Variants in ELSPBP1 observed in about 807,000 individuals in gnomAD.
The protein encoded by ELSPBP1 is epididymal sperm-binding protein 1.
A neutral mutation model predicts 33.3 loss-of-function variants in ELSPBP1; 38 were observed. The observed-to-expected ratio is 1.14, with a 90% CI of 0.88 to 1.50. The LOEUF (loss-of-function observed/expected upper bound fraction) is 1.50, where lower values mean the gene tolerates loss of function less well. ELSPBP1 is among the 40% of genes most tolerant of loss of function. The pLI is 0.00. For missense variants in ELSPBP1, 267 were observed against 263.5 expected (o/e 1.01, Z -0.09); for synonymous variants, 85 against 94.1 (o/e 0.90, Z 0.56).
intron 2 of ELSPBP1, among the ~76,000 whole-genome samples, chr19:48,012,297 T>C (rs1411803450): frequency 6.9e-6 from 1 of 145,956 alleles, no homozygotes; most frequent in African/African-American, 2.6e-5. Flanking sequence ...CTAATCTTGT[T>C]TGTTTGTTTT....
At chr19:48,024,205 C>T (rs562239329) in intron 6 of ELSPBP1, among the ~76,000 whole-genome samples, 1 of 152,044 alleles carries the variant, frequency 6.6e-6, no homozygotes, top group South Asian at 2.1e-4. Context: ...TTCTTCTAGT[C>T]TTTTCCTCTC....
rs570511883 is a variant in ELSPBP1 at position 48,006,246 on chromosome 19, G to A, written c.-17-2405G>A. Among the ~76,000 whole-genome samples, 131 of 152,120 alleles carry A rather than the reference G, an allele frequency of 8.6e-4. 2 individuals are homozygous for A. The South Asian group carries it at 0.022, about 26-fold the overall frequency. On this transcript the variant is annotated intron_variant, in intron 1 of 6. Coordinates refer to ENST00000339841, the MANE Select transcript of ELSPBP1 (RefSeq NM_022142.5). ...AATCTGTCATATTTTTATGATTGTC[G>A]TTAATCATCATAACAAGGCTGAGTG... is the stretch of plus-strand genomic sequence containing the variant.
rs183388881 is a variant in ELSPBP1, at chr19:48,012,583, C to A, written c.71-1588C>A. ...AAGAAACCTGTTTAACTTTATTTCA[C>A]GTGGCATTTTTCCAAACTTATTTTA... On this transcript the variant is annotated intron_variant, in intron 2 of 6. Coordinates refer to ENST00000339841, the MANE Select transcript of ELSPBP1 (RefSeq NM_022142.5). Among the ~76,000 whole-genome samples, 73 of 152,104 alleles carry A rather than the reference C, an allele frequency of 4.8e-4. 1 individual carries two copies. The highest frequency in any genetic ancestry group is 1.4e-3 in the South Asian group (7 of 4,828).
chr19:48,023,067 C>T (rs573815655), intron 6 of ELSPBP1, among the ~76,000 whole-genome samples: 10 of 123,366 alleles, frequency 8.1e-5, no homozygotes, highest in Non-Finnish European at 1.2e-4. Flanking sequence ...GAAAGATGGA[C>T]GAAAGGAAGG....
chr19:48,011,831 C>A lies in ELSPBP1; in HGVS notation c.71-2340C>A, dbSNP rs1013274885. The stretch of plus-strand genomic sequence containing the variant: ...ATAGCTAATATTTATTAAGCAGCAG[C>A]CATGCTCCAGGTACTCTTCTAAGCA... On this transcript the variant is annotated intron_variant, in intron 2 of 6. Transcript: ENST00000339841. This position sits in a 1 kb window ranked among gnomAD's most constrained non-coding sequence, Gnocchi z 4.5. Among the ~76,000 whole-genome samples, 4 of 152,096 alleles carry A rather than the reference C, an allele frequency of 2.6e-5. No homozygotes were observed. Among genetic ancestry groups the A allele is most frequent in the Non-Finnish European group, 5.9e-5 (4 of 68,028 alleles).
At position 48,011,289 on chromosome 19, in the gene ELSPBP1, T is replaced by TGAC. The variant is rs1967075232; in HGVS notation, c.70+2554_70+2555insCGA. 6.6e-6 allele frequency among the ~76,000 whole-genome samples: 1 copy of TGAC among 151,536 alleles called. No homozygotes were observed. The highest frequency in any genetic ancestry group is 1.5e-5 in the Non-Finnish European group (1 of 67,948). On this transcript the variant is annotated intron_variant, in intron 2 of 6. Transcript: ENST00000339841. This position sits in a 1 kb window ranked among gnomAD's most constrained non-coding sequence, Gnocchi z 4.5. ...ATGACAATGACGATGATGATCACCA[T>TGAC]GATAATGACAATAATGAGGTTGATA... is the stretch of plus-strand genomic sequence containing the variant.
At chr19:48,003,695 C>T (rs890846808) in intron 1 of ELSPBP1, among the ~76,000 whole-genome samples, 6 of 139,444 alleles carry the variant, frequency 4.3e-5, no homozygotes, top group Non-Finnish European at 9.3e-5. Flanking sequence ...TGCTACCACG[C>T]CCAGCTAATT....
rs369521192 is a variant in ELSPBP1, at chr19:48,011,242, A to G, written c.70+2505A>G. On this transcript the variant is annotated intron_variant, in intron 2 of 6. Coordinates refer to ENST00000339841, the MANE Select transcript of ELSPBP1 (RefSeq NM_022142.5). This position sits in a 1 kb window ranked among gnomAD's most constrained non-coding sequence, Gnocchi z 4.5. The stretch of plus-strand genomic sequence containing the variant: ...GACAATAATGGGGTTGATGATGATG[A>G]TGACAATGATTGATAATGATGATGA... Among the ~76,000 whole-genome samples, 869 of 152,132 alleles carry G rather than the reference A, an allele frequency of 5.7e-3. 8 individuals carry two copies. The highest frequency in any genetic ancestry group is 0.02 in the African/African-American group (835 of 41,466).
intron 1 of ELSPBP1, among the ~76,000 whole-genome samples, chr19:47,997,171 G>A (rs942468432): frequency 1.3e-5 from 2 of 152,212 alleles, no homozygotes; most frequent in African/African-American, 2.4e-5. Context: ...CCGGCACAGC[G>A]CTTTGCTCTA....
rs755186263 is a variant in ELSPBP1 at position 48,008,729 on chromosome 19, C to T, written c.62C>T (p.Ser21Leu). The change falls in exon 2 of 7, where the codon TCA becomes TTA. Residue 21 changes from serine to leucine, a missense_variant. Transcript: ENST00000339841. ...WTTFLLYSYE[S>L]SGGMHEECVF... ...ACCTTCCTTCTCTATTCCTATGAGT[C>T]AAGTGGAGGTAAGGACACTCAAAGC... is the stretch of plus-strand genomic sequence containing the variant. The T allele has an allele frequency of 6.2e-7, 1 of 1,613,174 alleles. No homozygotes were observed. The highest frequency in any genetic ancestry group is 8.5e-7 in the Non-Finnish European group (1 of 1,179,586).
rs1600108545 is a variant in ELSPBP1, at chr19:48,014,421, T to C, written c.208+113T>C. 8.7e-6 allele frequency: 10 copies of C among 1,150,802 alleles called. No homozygotes were observed. In the East Asian group the frequency reaches 2.4e-4, roughly 27 times the overall value. 71.3% of individuals were successfully genotyped at this position (1,150,802 alleles called of 1,614,324 possible). ...ATTTTTGCAGACAAACGGTAATACG[T>C]ATGCGTGCGTAGAAAAGGCTCTGGG... On this transcript the variant is annotated intron_variant, in intron 3 of 6. Transcript: ENST00000339841.
At chr19:48,004,837 C>G (rs574077818) in intron 1 of ELSPBP1, among the ~76,000 whole-genome samples, 1 of 152,216 alleles carries the variant, frequency 6.6e-6, no homozygotes, top group African/African-American at 2.4e-5. Context: ...ATCGTGTAGC[C>G]CTGGCCCCAC....
At chr19:48,007,262 G>A (rs748288404) in intron 1 of ELSPBP1, among the ~76,000 whole-genome samples, 2 of 152,250 alleles carry the variant, frequency 1.3e-5, no homozygotes, top group East Asian at 3.9e-4. Flanking sequence ...AGGGGTTTAC[G>A]TTGCCTAAGA....
At chr19:48,016,787 C>T (rs28693045) in intron 4 of ELSPBP1, among the ~76,000 whole-genome samples, 25,921 of 151,442 alleles carry the variant, frequency 0.17, 2,313 homozygotes, top group South Asian at 0.23. Context: ...TTAGCAGGCA[C>T]GGGGTTTCAC....
intron 1 of ELSPBP1, among the ~76,000 whole-genome samples, chr19:47,998,400 G>A (rs552986351): frequency 6.7e-4 from 101 of 151,754 alleles, no homozygotes; most frequent in African/African-American, 2.3e-3. Context: ...GACAGAGTGA[G>A]ACTCCATCTC....
chr19:48,000,303 C>T lies in ELSPBP1; in HGVS notation c.-18+5492C>T, dbSNP rs965857137. Among the ~76,000 whole-genome samples the T allele has an allele frequency of 4.0e-5, 6 of 148,884 alleles. 1 individual carries two copies. The highest frequency in any genetic ancestry group is 4.3e-4 in the South Asian group (2 of 4,684). On this transcript the variant is annotated intron_variant, in intron 1 of 6. Coordinates refer to ENST00000339841, the MANE Select transcript of ELSPBP1 (RefSeq NM_022142.5). ...GTAATGCAGTGAGCCAAGACTGGCA[C>T]GATCTTGGCTCAGTGCAACCTCTGC...
Position 48,008,728 on chromosome 19 carries a change from T to A in ELSPBP1, c.61T>A (p.Ser21Thr). 6.2e-7 allele frequency: 1 copy of A among 1,613,250 alleles called. No homozygotes were observed. Among genetic ancestry groups the A allele is most frequent in the African/African-American group, 1.3e-5 (1 of 74,876 alleles). ...AACCTTCCTTCTCTATTCCTATGAG[T>A]CAAGTGGAGGTAAGGACACTCAAAG... ...WTTFLLYSYE[S>T]SGGMHEECVF... Residue 21 changes from serine (S) to threonine (T), a missense_variant, in exon 2 of 7, where the codon TCA becomes ACA. Coordinates refer to ENST00000339841, the MANE Select transcript of ELSPBP1 (RefSeq NM_022142.5).
intron 2 of ELSPBP1, among the ~76,000 whole-genome samples, chr19:48,010,404 T>TCAC (rs1967064538): frequency 6.6e-6 from 1 of 152,210 alleles, no homozygotes; most frequent in South Asian, 2.1e-4. Context: ...AGATAAATTA[T>TCAC]TCAGTATACA....
intron 4 of ELSPBP1, among the ~76,000 whole-genome samples, chr19:48,018,991 T>C (rs1967170153): frequency 6.6e-6 from 1 of 151,788 alleles, no homozygotes. Context: ...CCTTCTCTAA[T>C]AAAAATAGAA....
Sources: allele counts gnomAD v4.1 joint callset (sites outside exome capture counted in the v4.1 genomes callset), GRCh38; gene constraint gnomAD v4.1.1; non-coding constraint Gnocchi (gnomAD v3.1); transcripts MANE v1.5; gene names NCBI Gene and HGNC (gene_info 2026-07-23, HGNC 2026-07-21).